NFAT5: variants seen among roughly 807,000 people sequenced by gnomAD.
NFAT5 encodes nuclear factor of activated T cells 5, also known as nuclear factor of activated T-cells 5.
A neutral mutation model predicts 166.5 loss-of-function variants in NFAT5; 31 were observed. The ratio of observed to expected loss-of-function variants is 0.19; its 90% CI spans 0.14 to 0.25. The LOEUF is 0.25. Among genes scored for constraint, NFAT5 ranks in the 10% least tolerant of loss-of-function variants. NFAT5 has a pLI of 1.00. For missense variants in NFAT5, 1,449 were observed against 1,821.8 expected (o/e 0.80, Z 3.72); for synonymous variants, 612 against 639.7 (o/e 0.96, Z 0.65).
chr16:69,661,776 T>C (rs1427937712), intron 7 of NFAT5, among the ~76,000 whole-genome samples: 2 of 152,162 alleles, frequency 1.3e-5, no homozygotes, highest in African/African-American at 2.4e-5. Context: ...GAAAACTTCA[T>C]AGTTAATTCA....
chr16:69,629,161 G>GGCT (rs2034596443), intron 3 of NFAT5, among the ~76,000 whole-genome samples: 1 of 152,190 alleles, frequency 6.6e-6, no homozygotes, highest in Admixed American at 6.5e-5. Context: ...GAGCCGGATT[G>GGCT]GCTGCTCTCA....
At chr16:69,615,129 C>A (rs1282192618) in intron 2 of NFAT5, among the ~76,000 whole-genome samples, 1 of 151,718 alleles carries the variant, frequency 6.6e-6, no homozygotes, top group African/African-American at 2.4e-5. Context: ...GCAACCTCCT[C>A]CTCCTGGGTT....
chr16:69,661,477 G>C (rs961179501), intron 7 of NFAT5, among the ~76,000 whole-genome samples: 2 of 122,938 alleles, frequency 1.6e-5, no homozygotes, highest in African/African-American at 6.2e-5. Flanking sequence ...CAGGAGTTTT[G>C]AGATAGCAGT....
chr16:69,577,015 A>G (rs771560444), intron 2 of NFAT5, among the ~76,000 whole-genome samples: 10 of 152,252 alleles, frequency 6.6e-5, no homozygotes, highest in Admixed American at 1.3e-4. Context: ...GAGATGAGCA[A>G]CAGAAGAAAT....
chr16:69,656,473 A>G (rs1278587636), intron 6 of NFAT5, among the ~76,000 whole-genome samples: 1 of 148,090 alleles, frequency 6.8e-6, no homozygotes, highest in East Asian at 2.0e-4. Flanking sequence ...TTTTTTTGAG[A>G]CAGAGTCTCC....
chr16:69,699,810 CTCTT>C lies in NFAT5; in HGVS notation c.*3463_*3466del, dbSNP rs1299882864. On this transcript the variant is annotated 3_prime_UTR_variant, in exon 15 of 15. Transcript: ENST00000349945. ...ACTCACATTAATGCTTGGAGCTTAT[CTCTT>C]TCTCTCTCTCTCTCTCTCTCTCTGT... The C allele has an allele frequency of 6.6e-6, 1 of 151,024 alleles. No individual in the cohort carries two copies. The highest frequency in any genetic ancestry group is 1.5e-5 in the Non-Finnish European group (1 of 67,694). 9.4% of individuals were successfully genotyped at this position (151,024 alleles called of 1,614,324 possible). A position where few individuals can be genotyped will look rare whatever the true frequency, so the allele number is the denominator to read the frequency against.
Position 69,694,213 on chromosome 16 carries a change from G to C in NFAT5, c.4388G>C (p.Gly1463Ala), listed in dbSNP as rs151172191. 2 of 1,610,510 alleles carry C rather than the reference G, an allele frequency of 1.2e-6. No individual in the cohort carries two copies. The highest frequency in any genetic ancestry group is 1.7e-6 in the Non-Finnish European group (2 of 1,178,842). The change falls in exon 13 of 15, where the codon GGA becomes GCA. Residue 1463 changes from glycine to alanine, a missense_variant. This residue lies in a region of NFAT5 where 891 missense variants were observed against 993.0 expected (regional missense o/e 0.90). Transcript: ENST00000349945. ...NSPGSSQQTS[G>A]MFLFGIQNNC... ...CCTGGCTCATCTCAGCAGACATCAG[G>C]AATGTTCTTATTTGGCATTCAAAAT...
In NFAT5 at chr16:69,693,634, A is replaced by G. The variant is rs368723927; in HGVS notation, c.3809A>G (p.Gln1270Arg). Residue 1270 changes from glutamine (Q) to arginine (R), a missense_variant, in exon 13 of 15, where the codon CAG becomes CGG. By Grantham distance (43) the Gln-to-Arg change is conservative (BLOSUM62 1). Coordinates refer to ENST00000349945, the MANE Select transcript of NFAT5 (RefSeq NM_138713.4). ...QSNSPSQEQQQQQQQQQQQQQ... is the reference protein window; with the variant it reads ...QSNSPSQEQQRQQQQQQQQQQ... ...AACTCTCCATCCCAGGAACAGCAGC[A>G]GCAGCAGCAACAGCAGCAGCAACAG... is the stretch of plus-strand genomic sequence containing the variant. 5.3e-5 allele frequency: 86 copies of G among 1,612,980 alleles called. No homozygotes were observed. Among genetic ancestry groups the G allele is most frequent in the Non-Finnish European group, 6.9e-5 (81 of 1,179,384 alleles).
At chr16:69,582,071 G>T (rs1044833263) in intron 2 of NFAT5, among the ~76,000 whole-genome samples, 2 of 152,144 alleles carry the variant, frequency 1.3e-5, no homozygotes, top group Non-Finnish European at 2.9e-5. Flanking sequence ...TCAGGACCAG[G>T]CTGGGCAACA....
chr16:69,605,646 C>A (rs1037903011), intron 2 of NFAT5, among the ~76,000 whole-genome samples: 4 of 151,832 alleles, frequency 2.6e-5, no homozygotes, highest in African/African-American at 9.7e-5. Context: ...GTTTTTATTT[C>A]TGTAAAGAAA....
At chr16:69,609,540 T>G (rs1447880810) in intron 2 of NFAT5, among the ~76,000 whole-genome samples, 3 of 152,140 alleles carry the variant, frequency 2.0e-5, no homozygotes, top group Non-Finnish European at 2.9e-5. Flanking sequence ...AAAATTGAAT[T>G]AAGAGGCAGA....
At position 69,692,382 on chromosome 16, in the gene NFAT5, A is replaced by G; in HGVS notation, c.2557A>G (p.Ser853Gly). 6.2e-7 allele frequency: 1 copy of G among 1,614,234 alleles called. No individual in the cohort carries two copies. The highest frequency in any genetic ancestry group is 8.5e-7 in the Non-Finnish European group (1 of 1,180,036). ...TAGTGCAGATATTTTTCAACAAGTC[A>G]GTCAAATTCAGAGTGGTGTAAGCCC... is the stretch of plus-strand genomic sequence containing the variant. Reference protein sequence around the residue: ...QLSADIFQQVSQIQSGVSPGM... With the variant: ...QLSADIFQQVGQIQSGVSPGM... The change falls in exon 13 of 15, where the codon AGT becomes GGT. Residue 853 changes from serine to glycine, a missense_variant. By Grantham distance (56) the Ser-to-Gly change is moderately conservative (BLOSUM62 0). Transcript: ENST00000349945.
At chr16:69,625,099 A>G (rs1253920750) in intron 2 of NFAT5, among the ~76,000 whole-genome samples, 2 of 151,692 alleles carry the variant, frequency 1.3e-5, no homozygotes, top group African/African-American at 2.4e-5. Context: ...ATGGGGTTTC[A>G]CTATGTTGGC....
intron 6 of NFAT5, among the ~76,000 whole-genome samples, chr16:69,656,969 G>A (rs944329349): frequency 9.9e-5 from 15 of 151,974 alleles, no homozygotes; most frequent in South Asian, 2.1e-4. Context: ...AAATTGAACC[G>A]TAACAGCAGG....
At chr16:69,630,321 T>C (rs540262324) in intron 3 of NFAT5, among the ~76,000 whole-genome samples, 2 of 152,162 alleles carry the variant, frequency 1.3e-5, no homozygotes, top group African/African-American at 4.8e-5. Flanking sequence ...TGTGAACCAC[T>C]ATGCTCGGCC....
intron 2 of NFAT5, among the ~76,000 whole-genome samples, chr16:69,593,242 T>C (rs2032580562): frequency 6.6e-6 from 1 of 152,216 alleles, no homozygotes; most frequent in Non-Finnish European, 1.5e-5. Context: ...CTAGATGTTA[T>C]AGTGAAATGT....
In NFAT5 at chr16:69,693,895, C is replaced by T. The variant is rs761941499; in HGVS notation, c.4070C>T (p.Pro1357Leu). 4.3e-6 allele frequency: 7 copies of T among 1,614,190 alleles called. No individual in the cohort carries two copies. The highest frequency in any genetic ancestry group is 1.7e-5 in the Admixed American group (1 of 60,018). Reference protein sequence around the residue: ...SQSTVSSLQNPGPTQSESSQT... With the variant: ...SQSTVSSLQNLGPTQSESSQT... ...TCCACAGTTTCCTCACTTCAGAACC[C>T]AGGTCCTACCCAGTCGGAATCATCA... Residue 1357 changes from proline to leucine, a missense_variant, in exon 13 of 15, where the codon CCA becomes CTA. This residue lies in a region of NFAT5 where 891 missense variants were observed against 993.0 expected (regional missense o/e 0.90). Transcript: ENST00000349945.
intron 2 of NFAT5, among the ~76,000 whole-genome samples, chr16:69,617,142 C>T (rs2033989422): frequency 6.6e-6 from 1 of 151,964 alleles, no homozygotes; most frequent in Non-Finnish European, 1.5e-5. Context: ...TGGAGTTTCA[C>T]CGTGTTAGCC....
intron 9 of NFAT5, among the ~76,000 whole-genome samples, chr16:69,675,065 T>A (rs1239592544): frequency 6.6e-6 from 1 of 152,196 alleles, no homozygotes; most frequent in Non-Finnish European, 1.5e-5. Flanking sequence ...TTAATTCAGA[T>A]CAGTTGTAGA....
Sources: gnomAD v4.1 joint callset for allele counts (sites outside exome capture counted in the v4.1 genomes callset) on GRCh38, gnomAD v4.1.1 for gene constraint, gnomAD v4.1.1 regional missense constraint, MANE v1.5 for transcripts, NCBI Gene and HGNC (gene_info 2026-07-23, HGNC 2026-07-21) for gene names.